The following COL4A1 variants were observed in gnomAD, a reference collection of about 807,000 sequenced individuals.
COL4A1 encodes the protein collagen alpha-1(IV) chain.
In COL4A1, 40 loss-of-function variants were observed where a neutral mutation model predicts 216.6. The observed-to-expected ratio is 0.18, with a 90% confidence interval of 0.14 to 0.24. The LOEUF is 0.24. Ranked by LOEUF, COL4A1 falls within the 10% of genes least tolerant of loss-of-function variation. COL4A1 has a pLI of 1.00. For missense variants in COL4A1, 1,628 were observed against 2,196.8 expected (o/e 0.74, Z 5.18); for synonymous variants, 839 against 810.7 (o/e 1.03, Z -0.59).
rs1232858943 is a variant in COL4A1, at chr13:110,162,412, G to C, written c.4280C>G (p.Pro1427Arg). Residue 1427 changes from proline to arginine, a missense_variant, in exon 48 of 52, where the codon CCC becomes CGC. By Grantham distance (103) the Pro-to-Arg change is moderately radical (BLOSUM62 -2). Around this residue, in one of 8 missense-constraint regions of COL4A1, gnomAD observed 23 missense variants for 55.3 expected, o/e 0.42. Coordinates refer to ENST00000375820, the MANE Select transcript of COL4A1 (RefSeq NM_001845.6). Reference sequence around the variant, plus strand: ...CCCCATGGATCCTGGCAACCCATCGGGGCCTGGTGGACCTGGAAATCCTCT... The same window carrying C: ...CCCCATGGATCCTGGCAACCCATCGCGGCCTGGTGGACCTGGAAATCCTCT... ...GPRGFPGPPG[P>R]DGLPGSMGPP... is the part of the protein sequence containing the mutation. 6.2e-7 allele frequency: 1 copy of C among 1,614,090 alleles called. No homozygotes were observed. Among genetic ancestry groups the C allele is most frequent in the Non-Finnish European group, 8.5e-7 (1 of 1,180,040 alleles).
chr13:110,161,789 A>G (rs1043541624), intron 48 of COL4A1, among the ~76,000 whole-genome samples: 2 of 152,234 alleles, frequency 1.3e-5, no homozygotes, highest in African/African-American at 4.8e-5. Flanking sequence ...ACAGATATGT[A>G]GCTTTCTGCT....
chr13:110,193,233 C>T (rs1176868738), intron 22 of COL4A1, among the ~76,000 whole-genome samples: 1 of 152,230 alleles, frequency 6.6e-6, no homozygotes, highest in African/African-American at 2.4e-5. Flanking sequence ...TCCAGAAATT[C>T]AACTGTGCCT....
chr13:110,165,204 G>A (rs1187886881), intron 45 of COL4A1, among the ~76,000 whole-genome samples: 2 of 152,134 alleles, frequency 1.3e-5, no homozygotes, highest in Non-Finnish European at 2.9e-5. Context: ...CTCGGGCAAA[G>A]GCATTGGGGC....
intron 22 of COL4A1, 26 bp from the exon 23 acceptor site, chr13:110,192,939 T>C: frequency 1.9e-6 from 3 of 1,604,664 alleles, no homozygotes; most frequent in Non-Finnish European, 2.6e-6. Flanking sequence ...CAAAGGTGCT[T>C]ACGTGTAACA....
intron 2 of COL4A1, among the ~76,000 whole-genome samples, chr13:110,225,817 C>A (rs1020413708): frequency 6.6e-6 from 1 of 152,182 alleles, no homozygotes; most frequent in African/African-American, 2.4e-5. Context: ...GCCTGGAATT[C>A]TGGTGCTGGC....
chr13:110,184,998 T>G (rs756359524), intron 26 of COL4A1, among the ~76,000 whole-genome samples: 2 of 152,118 alleles, frequency 1.3e-5, no homozygotes, highest in Non-Finnish European at 2.9e-5. Flanking sequence ...AAGGAAATAT[T>G]AGTCCCTAAT....
intron 2 of COL4A1, among the ~76,000 whole-genome samples, chr13:110,221,636 G>A (rs542589142): frequency 7.2e-5 from 11 of 152,186 alleles, no homozygotes; most frequent in African/African-American, 1.2e-4. Flanking sequence ...TCATGGAAGC[G>A]CACAGTAAAG....
Position 110,253,619 on chromosome 13 carries a change from C to CG in COL4A1, c.85-10886_85-10885insC, listed in dbSNP as rs1882343024. ...TATACGTATGTATGTATTACATATA[C>CG]TTATAATTATATATGTATGTATGTA... On this transcript the variant is annotated intron_variant, in intron 1 of 51. Transcript: ENST00000375820. Among the ~76,000 whole-genome samples the CG allele has an allele frequency of 3.5e-5, 5 of 141,972 alleles. 1 individual carries two copies. The highest frequency in any genetic ancestry group is 7.6e-5 in the Non-Finnish European group (5 of 66,192). 93.1% of individuals were successfully genotyped at this position (141,972 alleles called of 152,430 possible). A position where few individuals can be genotyped will look rare whatever the true frequency, so the allele number is the denominator to read the frequency against.
At position 110,207,245 on chromosome 13, in the gene COL4A1, G is replaced by T. The variant is rs1182582639; in HGVS notation, c.780+158C>A. Among the ~76,000 whole-genome samples, 3 of 152,130 alleles carry T rather than the reference G, an allele frequency of 2.0e-5. No individual in the cohort carries two copies. The highest frequency in any genetic ancestry group is 4.4e-5 in the Non-Finnish European group (3 of 68,036). ...AGTTCCAGCTGTCTCTGCTCTCAAA[G>T]GGGCTCGTATTTTATGGACTGAACA... On this transcript the variant is annotated intron_variant, in intron 13 of 51. Transcript: ENST00000375820. This position sits in a 1 kb window ranked among gnomAD's most constrained non-coding sequence, Gnocchi z 4.4.
rs566615902 is a variant in COL4A1 at position 110,160,435 on chromosome 13, G to A, written c.4640+757C>T. On this transcript the variant is annotated intron_variant, in intron 49 of 51. Transcript: ENST00000375820. ...TCCGCAGTCCGGCCTGGGTGACAGA[G>A]CGAGACTCCGTCTCAAAAAAAAAAA... 3.6e-4 allele frequency among the ~76,000 whole-genome samples: 29 copies of A among 80,572 alleles called. 2 individuals are homozygous for A. Among genetic ancestry groups the A allele is most frequent in the African/African-American group, 1.5e-3 (28 of 18,632 alleles). The allele number at this position is 80,572 out of a possible 152,430, so 52.9% of individuals were successfully genotyped here. A position where few individuals can be genotyped will look rare whatever the true frequency, so the allele number is the denominator to read the frequency against.
intron 3 of COL4A1, 38 bp from the exon 4 acceptor site, chr13:110,213,864 G>A (rs368206923): frequency 2.6e-5 from 42 of 1,613,036 alleles, no homozygotes; most frequent in Middle Eastern, 1.6e-4. Flanking sequence ...ATTGATCACC[G>A]CTATCTCAAG....
At chr13:110,240,696 T>TA (rs1441230537) in intron 2 of COL4A1, among the ~76,000 whole-genome samples, 4 of 152,172 alleles carry the variant, frequency 2.6e-5, no homozygotes, top group Non-Finnish European at 5.9e-5. Flanking sequence ...CACACATGTG[T>TA]AGCCCACTCG....
At chr13:110,195,569 T>C (rs925898522) in intron 21 of COL4A1, among the ~76,000 whole-genome samples, 2 of 152,144 alleles carry the variant, frequency 1.3e-5, no homozygotes, top group Non-Finnish European at 2.9e-5. Context: ...GCAAAACTAA[T>C]CATTATTTTA....
At position 110,179,141 on chromosome 13, in the gene COL4A1, T is replaced by A. The variant is rs922028130; in HGVS notation, c.2345-105A>T. On this transcript the variant is annotated intron_variant, in intron 30 of 51. Coordinates refer to ENST00000375820, the MANE Select transcript of COL4A1 (RefSeq NM_001845.6). The stretch of plus-strand genomic sequence containing the variant: ...GCCCCAGCAACGGAAAGCCACGAGC[T>A]CTAGGCCTCTAAGATTTGCATCGTT... 3.5e-5 allele frequency: 54 copies of A among 1,541,224 alleles called. No homozygotes were observed. The South Asian group carries it at 5.3e-4, about 15-fold the overall frequency.
chr13:110,200,504 G>A (rs2139189802), intron 20 of COL4A1, among the ~76,000 whole-genome samples: 1 of 152,290 alleles, frequency 6.6e-6, no homozygotes, highest in East Asian at 1.9e-4. Context: ...GACTGTGCTA[G>A]AATCGGGGCT....
chr13:110,201,213 A>G (rs1462785629), intron 19 of COL4A1, among the ~76,000 whole-genome samples: 1 of 135,126 alleles, frequency 7.4e-6, no homozygotes, highest in Non-Finnish European at 1.6e-5. Context: ...AGAGGGGAAG[A>G]AATAGAAAGC....
intron 1 of COL4A1, among the ~76,000 whole-genome samples, chr13:110,294,538 C>T (rs937255127): frequency 1.3e-5 from 2 of 152,178 alleles, no homozygotes; most frequent in Non-Finnish European, 2.9e-5. Context: ...AAGAGCTCTG[C>T]AAACCCATTT....
At chr13:110,175,384 A>G (rs1022021003) in intron 36 of COL4A1, 27 bp from the exon 37 acceptor site, 4 of 1,613,804 alleles carry the variant, frequency 2.5e-6, no homozygotes, top group Non-Finnish European at 3.4e-6. Flanking sequence ...TTGAAACTTG[A>G]TTTGGGCTTA....
chr13:110,223,011 C>T (rs1371578747), intron 2 of COL4A1, among the ~76,000 whole-genome samples: 2 of 151,844 alleles, frequency 1.3e-5, no homozygotes, highest in Admixed American at 6.6e-5. Flanking sequence ...GAGGCTATTG[C>T]GTTACAGGTA....
Sources: gnomAD v4.1 joint callset for allele counts (sites outside exome capture counted in the v4.1 genomes callset) on GRCh38, gnomAD v4.1.1 for gene constraint, gnomAD v4.1.1 regional missense constraint, Gnocchi (gnomAD v3.1) non-coding constraint, MANE v1.5 for transcripts, NCBI Gene and HGNC (gene_info 2026-07-23, HGNC 2026-07-21) for gene names.